Variants in XKR9 observed in about 807,000 individuals in gnomAD.
XKR9 encodes the protein XK-related protein 9.
Under a neutral mutation model 32.0 loss-of-function variants are expected in XKR9, and 32 were observed. The observed-to-expected ratio is 1.00, with a 90% CI of 0.76 to 1.34. The LOEUF (loss-of-function observed/expected upper bound fraction) is 1.34, where lower values mean the gene tolerates loss of function less well. Among genes scored for constraint, XKR9 ranks in the 40% most tolerant of loss-of-function variants. The pLI is 0.00. For synonymous variants in XKR9, 168 were observed against 143.4 expected (o/e 1.17, Z -1.22); for missense variants, 546 against 429.7 (o/e 1.27, Z -2.39).
the XKR9 span, among the ~76,000 whole-genome samples, chr8:70,820,162 A>G: frequency 1.3e-5 from 2 of 152,212 alleles, no homozygotes; most frequent in African/African-American, 2.4e-5. Context: ...CTATACCTAG[A>G]GAAAAAGAAC....
the XKR9 span, among the ~76,000 whole-genome samples, chr8:71,015,800 G>T: frequency 6.6e-6 from 1 of 151,920 alleles, no homozygotes; most frequent in African/African-American, 2.4e-5. Context: ...CTTTTGAGTG[G>T]CTATTTTATC....
At chr8:71,030,934 G>A in the XKR9 span, among the ~76,000 whole-genome samples, 2 of 152,006 alleles carry the variant, frequency 1.3e-5, no homozygotes, top group African/African-American at 2.4e-5. Context: ...AGTATCAAGG[G>A]TACATTTACT....
intron 4 of XKR9, among the ~76,000 whole-genome samples, chr8:70,715,437 T>A (rs896431899): frequency 6.6e-6 from 1 of 152,142 alleles, no homozygotes; most frequent in African/African-American, 2.4e-5. Context: ...TTTGCTAGGC[T>A]TGGAAGGAGA....
intron 2 of XKR9, among the ~76,000 whole-genome samples, chr8:70,741,719 G>A (rs1359629804): frequency 1.3e-5 from 2 of 152,262 alleles, no homozygotes; most frequent in East Asian, 3.9e-4. Context: ...GTGAACATGG[G>A]TTTACAAATA....
the XKR9 span, among the ~76,000 whole-genome samples, chr8:71,037,065 A>G: frequency 6.6e-6 from 1 of 152,074 alleles, no homozygotes; most frequent in East Asian, 1.9e-4. Flanking sequence ...AGGGAGCACC[A>G]TGTTTGAAAA....
At chr8:70,754,859 A>G (rs1807195370) in intron 2 of XKR9, among the ~76,000 whole-genome samples, 1 of 152,092 alleles carries the variant, frequency 6.6e-6, no homozygotes, top group East Asian at 1.9e-4. Context: ...ATGGGCAAGG[A>G]CTTCCTGTCT....
At chr8:70,707,265 C>A in intron 4 of XKR9, 112 bp downstream of exon 4, 2 of 771,930 alleles carry the variant, frequency 2.6e-6, no homozygotes, top group East Asian at 5.4e-5. Context: ...ATTATTTATT[C>A]TTTTGAAAAG....
the XKR9 span, among the ~76,000 whole-genome samples, chr8:70,974,800 T>C: frequency 1.3e-5 from 2 of 152,226 alleles, no homozygotes; most frequent in African/African-American, 4.8e-5. Context: ...TTCTAGATCC[T>C]TGAGGAAACA....
chr8:71,042,201 C>T, the XKR9 span, among the ~76,000 whole-genome samples: 1 of 152,104 alleles, frequency 6.6e-6, no homozygotes, highest in Non-Finnish European at 1.5e-5. Context: ...GTTCAAGTGG[C>T]GTCCCTAACT....
chr8:71,029,849 G>A, the XKR9 span, among the ~76,000 whole-genome samples: 1 of 151,832 alleles, frequency 6.6e-6, no homozygotes, highest in Non-Finnish European at 1.5e-5. Flanking sequence ...CTGGAAACCA[G>A]AGTGCGCCTC....
chr8:70,954,446 G>A, the XKR9 span, among the ~76,000 whole-genome samples: 1 of 152,194 alleles, frequency 6.6e-6, no homozygotes, highest in Non-Finnish European at 1.5e-5. Flanking sequence ...GATTACCCAG[G>A]AGAAATCTAA....
In XKR9 at chr8:70,734,063, G is replaced by C. The variant is rs1252059814; in HGVS notation, c.761G>C (p.Cys254Ser). 1 of 1,613,032 alleles carries C rather than the reference G, an allele frequency of 6.2e-7. No homozygotes were observed. The highest frequency in any genetic ancestry group is 8.5e-7 in the Non-Finnish European group (1 of 1,179,338). ...GCATTTAAAAACAACACCCAGTTTT[G>C]TACTTGTATAAGTATGGAATTCTTA... is the stretch of plus-strand genomic sequence containing the variant. ...IWAFKNNTQF[C>S]TCISMEFLYR... The change falls in exon 5 of 5, where the codon TGT becomes TCT. Residue 254 changes from cysteine to serine, a missense_variant. By Grantham distance (112) the Cys-to-Ser change is moderately radical. Transcript: ENST00000408926.
the XKR9 span, among the ~76,000 whole-genome samples, chr8:70,998,453 C>T: frequency 4.6e-5 from 7 of 152,168 alleles, no homozygotes; most frequent in Non-Finnish European, 7.3e-5. Context: ...TCTCCCACCC[C>T]ATAATGTTTT....
chr8:70,891,711 A>G, the XKR9 span, among the ~76,000 whole-genome samples: 1 of 152,086 alleles, frequency 6.6e-6, no homozygotes, highest in African/African-American at 2.4e-5. Flanking sequence ...CTATGTGCTG[A>G]TGAAAAGAAT....
At chr8:70,690,604 C>T (rs1008159795) in intron 3 of XKR9, among the ~76,000 whole-genome samples, 11 of 151,912 alleles carry the variant, frequency 7.2e-5, no homozygotes, top group Non-Finnish European at 1.6e-4. Context: ...CCACCTCGGC[C>T]TCCCAAAGTG....
chr8:70,920,479 T>C, the XKR9 span, among the ~76,000 whole-genome samples: 2 of 152,162 alleles, frequency 1.3e-5, no homozygotes, highest in African/African-American at 4.8e-5. Flanking sequence ...AAATATTTTT[T>C]GATCATAAAA....
At chr8:70,989,347 G>T in the XKR9 span, among the ~76,000 whole-genome samples, 2 of 152,146 alleles carry the variant, frequency 1.3e-5, no homozygotes, top group Non-Finnish European at 2.9e-5. Context: ...TATATTATTT[G>T]CCCTTTGTAA....
At chr8:70,940,022 A>C in the XKR9 span, among the ~76,000 whole-genome samples, 2 of 152,098 alleles carry the variant, frequency 1.3e-5, no homozygotes, top group South Asian at 4.1e-4. Flanking sequence ...ATATGAATAA[A>C]AATACTACAT....
intron 2 of XKR9, among the ~76,000 whole-genome samples, chr8:70,776,923 T>TCTCTCTCTCTCTCTCTCTCTCTCTCTCTC (rs1563477157): frequency 6.7e-5 from 4 of 59,618 alleles, no homozygotes; most frequent in Non-Finnish European, 1.3e-4. Context: ...TTCTCTTTCT[T>TCTCTCTCTCTCTCTCTCTCTCTCTCTCTC]TCTCTCTCTC....
Sources: gnomAD v4.1 joint callset for allele counts (sites outside exome capture counted in the v4.1 genomes callset) on GRCh38, gnomAD v4.1.1 for gene constraint, MANE v1.5 for transcripts, NCBI Gene and HGNC (gene_info 2026-07-23, HGNC 2026-07-21) for gene names.